The following ZNF638 variants were observed in gnomAD, a reference collection of about 807,000 sequenced individuals.
ZNF638 encodes the protein zinc finger protein 638, also known as CTCL tumor antigen se33-1.
In ZNF638, 46 loss-of-function variants were observed where a neutral mutation model predicts 195.6. That is an observed-to-expected ratio of 0.24 (90% CI 0.19 to 0.30). ZNF638 has a LOEUF of 0.30. Ranked by LOEUF, ZNF638 falls within the 10% of genes least tolerant of loss-of-function variation. ZNF638 has a pLI of 1.00. For missense variants in ZNF638, 2,440 were observed against 2,325.3 expected, an observed-to-expected ratio of 1.05 and a Z score of -1.01; for synonymous variants, 845 against 772.0, an observed-to-expected ratio of 1.09 and a Z score of -1.57.
rs375583559 is a variant in ZNF638 at position 71,387,588 on chromosome 2, C to T, written c.2377+7023C>T. 4.0e-5 allele frequency among the ~76,000 whole-genome samples: 6 copies of T among 151,584 alleles called. No homozygotes were observed. The South Asian group carries it at 8.3e-4, about 21-fold the overall frequency. Reference sequence around the variant, plus strand: ...CAGGAGGCTGAGGCAGGAGAATTGCCTGAACCTGGGAGGTGGAGGTTGTAA... The same window carrying T: ...CAGGAGGCTGAGGCAGGAGAATTGCTTGAACCTGGGAGGTGGAGGTTGTAA... On this transcript the variant is annotated intron_variant, in intron 10 of 27. Coordinates refer to ENST00000264447, the MANE Select transcript of ZNF638 (RefSeq NM_014497.5).
In ZNF638 at chr2:71,391,202, C is replaced by T. The variant is rs768275998; in HGVS notation, c.2378-4939C>T. Among the ~76,000 whole-genome samples the T allele has an allele frequency of 5.3e-5, 8 of 152,208 alleles. 1 individual carries two copies. The highest frequency in any genetic ancestry group is 8.8e-5 in the Non-Finnish European group (6 of 68,034). On this transcript the variant is annotated intron_variant, in intron 10 of 27. Coordinates refer to ENST00000264447, the MANE Select transcript of ZNF638 (RefSeq NM_014497.5). ...ACGGGCTATCAGTGGCAGTTTGCAA[C>T]CTATGGGGCCCCTTCAACGGGGCTC...
chr2:71,428,397 T>TTC (rs773692661), intron 24 of ZNF638, 150 bp from the exon 25 acceptor site: 1 of 525,030 alleles, frequency 1.9e-6, no homozygotes, highest in Non-Finnish European at 3.4e-6. Context: ...AATAGAATTC[T>TTC]TCTATTTTAT....
At chr2:71,336,696 G>A (rs1244209347) in intron 1 of ZNF638, among the ~76,000 whole-genome samples, 4 of 152,008 alleles carry the variant, frequency 2.6e-5, no homozygotes, top group African/African-American at 4.8e-5. Context: ...AGCTTGCTCC[G>A]GGTAACATTG....
At chr2:71,335,173 A>C (rs1435718490) in intron 1 of ZNF638, among the ~76,000 whole-genome samples, 1 of 152,006 alleles carries the variant, frequency 6.6e-6, no homozygotes, top group Non-Finnish European at 1.5e-5. Flanking sequence ...AGTAGTTGGG[A>C]CAACAGGCAC....
At chr2:71,345,712 C>G (rs1465562144) in intron 1 of ZNF638, among the ~76,000 whole-genome samples, 1 of 152,022 alleles carries the variant, frequency 6.6e-6, no homozygotes, top group Non-Finnish European at 1.5e-5. Context: ...GTCATGTTGC[C>G]CAGGCTGGTC....
chr2:71,368,604 C>T, intron 7 of ZNF638, 76 bp downstream of exon 7: 1 of 1,492,506 alleles, frequency 6.7e-7, no homozygotes, highest in South Asian at 1.2e-5. Context: ...TGTTGTGTTC[C>T]TTAGCTGCTT....
chr2:71,348,633 G>A, intron 1 of ZNF638, 120 bp from the exon 2 acceptor site: 1 of 1,253,186 alleles, frequency 8.0e-7, no homozygotes, highest in Non-Finnish European at 1.0e-6. Flanking sequence ...TACTCTAAAA[G>A]TATATGAAAT....
At chr2:71,388,520 G>T (rs913215290) in intron 10 of ZNF638, 3 of 711,240 alleles carry the variant, frequency 4.2e-6, no homozygotes, top group Non-Finnish European at 7.8e-6. Flanking sequence ...AGCTTATTGG[G>T]GCTGCGTTCT....
chr2:71,366,722 A>G (rs2079206729), intron 6 of ZNF638, among the ~76,000 whole-genome samples: 1 of 152,158 alleles, frequency 6.6e-6, no homozygotes, highest in Non-Finnish European at 1.5e-5. Context: ...ATCATTATTC[A>G]TCTGTTCTAT....
intron 1 of ZNF638, among the ~76,000 whole-genome samples, chr2:71,335,211 T>TA (rs1175845663): frequency 2.6e-5 from 4 of 152,034 alleles, no homozygotes; most frequent in African/African-American, 7.2e-5. Flanking sequence ...TAATCTTTTT[T>TA]AAAAAAATTC....
intron 16 of ZNF638, among the ~76,000 whole-genome samples, chr2:71,403,426 T>C (rs1330341148): frequency 6.6e-6 from 1 of 152,100 alleles, no homozygotes; most frequent in Non-Finnish European, 1.5e-5. Context: ...AATAACAAAA[T>C]GAAAAATGAC....
intron 1 of ZNF638, among the ~76,000 whole-genome samples, chr2:71,332,583 A>G (rs1425507962): frequency 6.6e-6 from 1 of 152,206 alleles, no homozygotes; most frequent in Non-Finnish European, 1.5e-5. Context: ...AATTTCTCAG[A>G]GGAATTGTGA....
At position 71,365,605 on chromosome 2, in the gene ZNF638, C is replaced by A; in HGVS notation, c.1894C>A (p.Leu632Ile). The A allele has an allele frequency of 3.1e-6, 5 of 1,614,170 alleles. No individual in the cohort carries two copies. Among genetic ancestry groups the A allele is most frequent in the Non-Finnish European group, 4.2e-6 (5 of 1,180,020 alleles). ...AAGCGCTACAAAGAGTGATTCAAAT[C>A]TAGGAGGACATTCTATTCGTTGTAA... ...PTSATKSDSN[L>I]GGHSIRCKSK... Residue 632 changes from leucine to isoleucine, a missense_variant, in exon 6 of 28, where the codon CTA (leucine) becomes ATA (isoleucine). By Grantham distance (5) the Leu-to-Ile change is conservative. Around this residue, in one of 5 missense-constraint regions of ZNF638, gnomAD observed 1,883 missense variants for 1,739.1 expected, o/e 1.08. Coordinates refer to ENST00000264447, the MANE Select transcript of ZNF638 (RefSeq NM_014497.5).
At chr2:71,411,474 A>ATTTTTTTTTTTTTTTTTTTTTTTTAAT in intron 20 of ZNF638, among the ~76,000 whole-genome samples, 1 of 122,772 alleles carries the variant, frequency 8.1e-6, no homozygotes, top group Non-Finnish European at 1.7e-5. Flanking sequence ...TTTATTTTTA[A>ATTTTTTTTTTTTTTTTTTTTTTTTAAT]TTTTTTTTTT....
In ZNF638 at chr2:71,349,301, T is replaced by C. The variant is rs1443211326; in HGVS notation, c.347T>C (p.Val116Ala). ...DEPHISASVA[V>A]KQSSVTQVTE... ...CCTCATATATCTGCATCAGTGGCAG[T>C]GAAACAGAGTTCTGTAACACAGGTT... The change falls in exon 2 of 28, where the codon GTG becomes GCG. Residue 116 changes from valine (V) to alanine (A), a missense_variant. Physicochemically the swap from Val to Ala is moderately conservative, Grantham distance 64. Coordinates refer to ENST00000264447, the MANE Select transcript of ZNF638 (RefSeq NM_014497.5). The C allele has an allele frequency of 1.1e-5, 17 of 1,613,976 alleles. No individual in the cohort carries two copies. Among genetic ancestry groups the C allele is most frequent in the Non-Finnish European group, 1.4e-5 (17 of 1,180,036 alleles).
intron 13 of ZNF638, 56 bp downstream of exon 13, chr2:71,399,701 T>G: frequency 2.7e-6 from 4 of 1,465,454 alleles, no homozygotes; most frequent in Non-Finnish European, 3.8e-6. Flanking sequence ...TTTTTAACTT[T>G]TTAAGTTCAG....
intron 4 of ZNF638, 34 bp downstream of exon 4, chr2:71,363,225 T>A: frequency 6.9e-7 from 1 of 1,440,938 alleles, no homozygotes; most frequent in East Asian, 2.4e-5. Flanking sequence ...TATTAAAACC[T>A]GATTGTCTTT....
intron 8 of ZNF638, among the ~76,000 whole-genome samples, chr2:71,376,717 T>TA (rs3836136): frequency 6.6e-6 from 1 of 152,002 alleles, no homozygotes; most frequent in African/African-American, 2.4e-5. Flanking sequence ...ACAGAAAAGG[T>TA]AAAAAAAATC....
intron 1 of ZNF638, among the ~76,000 whole-genome samples, chr2:71,348,138 C>A (rs1386668864): frequency 6.6e-6 from 1 of 152,200 alleles, no homozygotes. Flanking sequence ...TATGTTATAA[C>A]GAATTCCATG....
Sources: gnomAD v4.1 joint callset for allele counts (sites outside exome capture counted in the v4.1 genomes callset) on GRCh38, gnomAD v4.1.1 for gene constraint, gnomAD v4.1.1 regional missense constraint, MANE v1.5 for transcripts, NCBI Gene and HGNC (gene_info 2026-07-23, HGNC 2026-07-21) for gene names.